BICDL1: variants seen among roughly 807,000 people sequenced by gnomAD.
BICDL1 encodes the protein BICD family-like cargo adapter 1.
In BICDL1, 20 loss-of-function variants were observed where a neutral mutation model predicts 76.8. The ratio of observed to expected loss-of-function variants is 0.26; its 90% CI spans 0.18 to 0.38. The LOEUF is 0.38. Among genes scored for constraint, BICDL1 ranks in the 10% least tolerant of loss-of-function variants. BICDL1 has a pLI of 1.00. For missense variants in BICDL1, 700 were observed against 798.6 expected, an observed-to-expected ratio of 0.88 and a Z score of 1.49; for synonymous variants, 383 against 337.1, an observed-to-expected ratio of 1.14 and a Z score of -1.49.
In BICDL1 at chr12:120,008,155, T is replaced by C. The variant is rs917539121; in HGVS notation, c.645+9419T>C. 2.3e-4 allele frequency among the ~76,000 whole-genome samples: 30 copies of C among 131,988 alleles called. No homozygotes were observed. In the East Asian group the frequency reaches 3.9e-3, roughly 17 times the overall value. 86.6% of individuals were successfully genotyped at this position (131,988 alleles called of 152,430 possible). A position where few individuals can be genotyped will look rare whatever the true frequency, so the allele number is the denominator to read the frequency against. The stretch of plus-strand genomic sequence containing the variant: ...AGTCATGATAATTACTCTTTCTTTT[T>C]TTTTTTTTTTTTTTTTTTTTTGAGA... On this transcript the variant is annotated intron_variant, in intron 2 of 9. Transcript: ENST00000548673.
At chr12:119,993,006 T>C (rs907298798) in intron 1 of BICDL1, 3 of 135,472 alleles carry the variant, frequency 2.2e-5, no homozygotes, top group African/African-American at 8.3e-5. Context: ...CAGTCTGGAG[T>C]GCAGTGGCGC....
chr12:120,056,440 G>A (rs1446238051), intron 2 of BICDL1, among the ~76,000 whole-genome samples: 1 of 152,200 alleles, frequency 6.6e-6, no homozygotes, highest in Non-Finnish European at 1.5e-5. Flanking sequence ...ATGAATTGAG[G>A]CCGGGCGCAG....
chr12:120,000,834 GTAT>G (rs746199398), intron 2 of BICDL1, among the ~76,000 whole-genome samples: 1 of 152,132 alleles, frequency 6.6e-6, no homozygotes, highest in Non-Finnish European at 1.5e-5. Context: ...CCTCATACAA[GTAT>G]TATTGAAATG....
At chr12:120,080,752 G>A in intron 7 of BICDL1, 135 bp from the exon 8 acceptor site, 2 of 799,482 alleles carry the variant, frequency 2.5e-6, no homozygotes, top group Admixed American at 2.8e-5. Context: ...AAGCAGGATG[G>A]CAGTGGAATG....
chr12:120,008,150 CTTTTTTTTTT>C (rs71072590), intron 2 of BICDL1, among the ~76,000 whole-genome samples: 2 of 61,716 alleles, frequency 3.2e-5, no homozygotes, highest in Non-Finnish European at 5.6e-5. Flanking sequence ...ATTACTCTTT[CTTTTTTTTTT>C]TTTTTTTTTT....
chr12:120,083,787 C>T (rs1278111647), intron 8 of BICDL1, among the ~76,000 whole-genome samples: 1 of 151,350 alleles, frequency 6.6e-6, no homozygotes, highest in Non-Finnish European at 1.5e-5. Context: ...AGCCAAGTAG[C>T]TGGAATTACA....
chr12:120,064,777 C>G lies in BICDL1; in HGVS notation c.807C>G (p.Leu269=), dbSNP rs780524990. The change falls in exon 4 of 10, where the codon CTC becomes CTG. Residue 269 remains leucine, a synonymous_variant. Coordinates refer to ENST00000548673, the MANE Select transcript of BICDL1 (RefSeq NM_001367886.1). The part of the protein sequence containing the change: ...SDRKRELEHR[L]SATLEENDLL... The stretch of plus-strand genomic sequence containing the variant: ...GGAAACGGGAGCTGGAGCATCGTCT[C>G]AGCGCTACTTTAGAGGAAAATGACC... 4.3e-6 allele frequency: 7 copies of G among 1,613,664 alleles called. No homozygotes were observed. The East Asian group carries it at 1.3e-4, about 31-fold the overall frequency.
intron 2 of BICDL1, among the ~76,000 whole-genome samples, chr12:120,000,831 C>T (rs911190809): frequency 7.2e-5 from 11 of 152,220 alleles, no homozygotes; most frequent in Non-Finnish European, 1.3e-4. Context: ...ATGCCTCATA[C>T]AAGTATTATT....
chr12:120,080,477 A>G (rs1383522274), intron 7 of BICDL1, among the ~76,000 whole-genome samples: 2 of 152,152 alleles, frequency 1.3e-5, no homozygotes, highest in East Asian at 1.9e-4. Context: ...TGATAGCAGC[A>G]TCCATGTTGA....
At chr12:120,002,468 A>C (rs1951777255) in intron 2 of BICDL1, among the ~76,000 whole-genome samples, 1 of 152,166 alleles carries the variant, frequency 6.6e-6, no homozygotes, top group South Asian at 2.1e-4. Flanking sequence ...ACATATTTAC[A>C]TACCAAAGAT....
intron 2 of BICDL1, among the ~76,000 whole-genome samples, chr12:120,002,379 T>C (rs1236181200): frequency 6.6e-6 from 1 of 152,152 alleles, no homozygotes; most frequent in Non-Finnish European, 1.5e-5. Context: ...CAGATACAAC[T>C]CTTGGATGTT....
At chr12:119,995,879 G>A (rs1951633629) in intron 1 of BICDL1, among the ~76,000 whole-genome samples, 1 of 152,006 alleles carries the variant, frequency 6.6e-6, no homozygotes, top group East Asian at 1.9e-4. Flanking sequence ...CCAGCTACTC[G>A]GGAGGCTGAG....
In BICDL1 at chr12:120,094,164, T is replaced by A; in HGVS notation, c.*1003T>A. 1 of 445,372 alleles carries A rather than the reference T, an allele frequency of 2.2e-6. No homozygotes were observed. Among genetic ancestry groups the A allele is most frequent in the Non-Finnish European group, 4.5e-6 (1 of 220,130 alleles). The allele number at this position is 445,372 out of a possible 1,614,324, so 27.6% of individuals were successfully genotyped here. On this transcript the variant is annotated 3_prime_UTR_variant, in exon 10 of 10. Transcript: ENST00000548673. ...GCCTGCAGAAGCCTGCAGTGGCTGC[T>A]GCTCCTGCCTCTGCAGCCGCCCCTC...
Position 120,080,681 on chromosome 12 carries a change from C to G in BICDL1, c.1453-206C>G. The G allele has an allele frequency of 6.7e-6, 3 of 447,074 alleles. 1 individual carries two copies. In the South Asian group the frequency reaches 7.8e-5, roughly 12 times the overall value. The allele number at this position is 447,074 out of a possible 1,614,324, so 27.7% of individuals were successfully genotyped here. On this transcript the variant is annotated intron_variant, in intron 7 of 9. Coordinates refer to ENST00000548673, the MANE Select transcript of BICDL1 (RefSeq NM_001367886.1). The stretch of plus-strand genomic sequence containing the variant: ...AAATTCCCCCCAGCTCCCTTGCTGC[C>G]GAGCTCAAGCCTAGCATGTGATGTG...
rs749038953 is a variant in BICDL1 at position 120,093,606 on chromosome 12, G to A, written c.*445G>A. ...CTGAGCCCCAGGGGCCTAGACCTGT[G>A]GGGGCAGCGGGCCAGGCCTGAGCCT... On this transcript the variant is annotated 3_prime_UTR_variant, in exon 10 of 10. Coordinates refer to ENST00000548673, the MANE Select transcript of BICDL1 (RefSeq NM_001367886.1). 5 of 179,418 alleles carry A rather than the reference G, an allele frequency of 2.8e-5. No homozygotes were observed. The highest frequency in any genetic ancestry group is 2.4e-5 in the African/African-American group (1 of 41,644). The allele number at this position is 179,418 out of a possible 1,614,324, so 11.1% of individuals were successfully genotyped here.
intron 2 of BICDL1, among the ~76,000 whole-genome samples, chr12:120,022,404 AT>A: frequency 6.8e-6 from 1 of 147,276 alleles, no homozygotes; most frequent in South Asian, 2.1e-4. Context: ...TCTCTTAAAA[AT>A]ATATATTTAT....
chr12:120,092,275 G>GCTTA (rs1472669156), intron 9 of BICDL1: 1 of 985,340 alleles, frequency 1.0e-6, no homozygotes, highest in Non-Finnish European at 1.2e-6. Flanking sequence ...GCTGTGGGGA[G>GCTTA]GAAGGCATTT....
rs1875200881 is a variant in BICDL1, at chr12:120,093,941, AC to A, written c.*781del. ...TTCCCCTGCTCAGGGCTGGGGTTGGACGGGGTCTCCTCCTCCCACAGCTCCC... is the reference window on the plus strand; with the variant it reads ...TTCCCCTGCTCAGGGCTGGGGTTGGAGGGGTCTCCTCCTCCCACAGCTCCC... On this transcript the variant is annotated 3_prime_UTR_variant, in exon 10 of 10. Transcript: ENST00000548673. 1 of 320,266 alleles carries A rather than the reference AC, an allele frequency of 3.1e-6. No individual in the cohort carries two copies. The highest frequency in any genetic ancestry group is 6.2e-6 in the Non-Finnish European group (1 of 160,222). 19.8% of individuals were successfully genotyped at this position (320,266 alleles called of 1,614,324 possible).
At chr12:120,039,637 CAAA>C (rs58284420) in intron 2 of BICDL1, among the ~76,000 whole-genome samples, 1 of 54,758 alleles carries the variant, frequency 1.8e-5, no homozygotes, top group Non-Finnish European at 3.5e-5. Context: ...GACTCCGTCT[CAAA>C]AAAAAAAAAA....
Sources: allele counts gnomAD v4.1 joint callset (sites outside exome capture counted in the v4.1 genomes callset), GRCh38; gene constraint gnomAD v4.1.1; transcripts MANE v1.5; gene names NCBI Gene and HGNC (gene_info 2026-07-23, HGNC 2026-07-21).